DNER: variants seen among roughly 807,000 people sequenced by gnomAD.
DNER encodes delta/notch like EGF repeat containing.
DNER carries 33 observed loss-of-function variants against 78.2 expected under a neutral mutation model. That is an observed-to-expected ratio of 0.42 (90% CI 0.32 to 0.56). DNER has a LOEUF of 0.56. Ranked by LOEUF, DNER falls within the 20% of genes least tolerant of loss-of-function variation. DNER has a pLI of 0.11. For missense variants in DNER, 918 were observed against 975.3 expected, an observed-to-expected ratio of 0.94 and a Z score of 0.78; for synonymous variants, 417 against 384.8, an observed-to-expected ratio of 1.08 and a Z score of -0.98.
At chr2:229,498,312 G>T (rs1335964246) in intron 6 of DNER, among the ~76,000 whole-genome samples, 1 of 152,114 alleles carries the variant, frequency 6.6e-6, no homozygotes, top group Non-Finnish European at 1.5e-5. Flanking sequence ...CAAGCCCAAA[G>T]CTAACATCAT....
intron 11 of DNER, among the ~76,000 whole-genome samples, chr2:229,368,095 C>T (rs1692392948): frequency 6.6e-6 from 1 of 152,144 alleles, no homozygotes; most frequent in Admixed American, 6.5e-5. Context: ...GGCATGGTGG[C>T]TCATGCTTGT....
intron 5 of DNER, among the ~76,000 whole-genome samples, chr2:229,517,771 G>A (rs758909786): frequency 3.3e-5 from 5 of 152,172 alleles, no homozygotes; most frequent in African/African-American, 4.8e-5. Context: ...CTAGCCTCTG[G>A]CGGATAGAGT....
chr2:229,568,271 G>C, intron 4 of DNER, among the ~76,000 whole-genome samples: 1 of 152,076 alleles, frequency 6.6e-6, no homozygotes, highest in Non-Finnish European at 1.5e-5. Flanking sequence ...AGCTGGACTT[G>C]AACTCCTGGG....
At chr2:229,509,359 G>A (rs1056582918) in intron 6 of DNER, among the ~76,000 whole-genome samples, 7 of 152,218 alleles carry the variant, frequency 4.6e-5, no homozygotes, top group Admixed American at 3.3e-4. Flanking sequence ...TTCATCAATA[G>A]AGGAATAGCT....
At chr2:229,424,269 A>G (rs1693826575) in intron 8 of DNER, among the ~76,000 whole-genome samples, 1 of 152,182 alleles carries the variant, frequency 6.6e-6, no homozygotes, top group Non-Finnish European at 1.5e-5. Context: ...ATAAAAACCC[A>G]AGGCGATGGG....
At chr2:229,664,987 C>T (rs1050272005) in intron 1 of DNER, among the ~76,000 whole-genome samples, 1 of 152,090 alleles carries the variant, frequency 6.6e-6, no homozygotes, top group Non-Finnish European at 1.5e-5. Flanking sequence ...TCCCTTTTGT[C>T]GAATTACTCA....
At chr2:229,457,961 C>A (rs1232497389) in intron 7 of DNER, among the ~76,000 whole-genome samples, 8 of 150,822 alleles carry the variant, frequency 5.3e-5, no homozygotes, top group African/African-American at 1.7e-4. Context: ...TGTGGTGAAA[C>A]CCTGTCTCTA....
At chr2:229,534,300 T>C (rs370039402) in intron 5 of DNER, among the ~76,000 whole-genome samples, 3 of 149,308 alleles carry the variant, frequency 2.0e-5, no homozygotes, top group South Asian at 4.2e-4. Flanking sequence ...AATAGACCAA[T>C]AGATTGTAAT....
At chr2:229,528,644 A>G (rs1696249143) in intron 5 of DNER, among the ~76,000 whole-genome samples, 1 of 152,184 alleles carries the variant, frequency 6.6e-6, no homozygotes, top group Non-Finnish European at 1.5e-5. Flanking sequence ...GATTTTGTAC[A>G]AATATGGAAG....
At chr2:229,689,803 A>T (rs1699538493) in intron 1 of DNER, among the ~76,000 whole-genome samples, 1 of 152,220 alleles carries the variant, frequency 6.6e-6, no homozygotes, top group Non-Finnish European at 1.5e-5. Context: ...CATAGAGCTG[A>T]CATAATTAAG....
chr2:229,363,905 C>T (rs1244467376), intron 12 of DNER, among the ~76,000 whole-genome samples: 1 of 151,868 alleles, frequency 6.6e-6, no homozygotes, highest in East Asian at 1.9e-4. Flanking sequence ...GATTCTGCTC[C>T]CTCCTGGTAA....
At chr2:229,440,863 C>T (rs1447886617) in intron 8 of DNER, among the ~76,000 whole-genome samples, 1 of 152,232 alleles carries the variant, frequency 6.6e-6, no homozygotes, top group African/African-American at 2.4e-5. Context: ...TTTAACCCAT[C>T]CTTTCATTCC....
chr2:229,606,619 G>A (rs376801169), intron 1 of DNER, among the ~76,000 whole-genome samples: 2 of 152,242 alleles, frequency 1.3e-5, no homozygotes, highest in East Asian at 1.9e-4. Context: ...AGGGCCAGGC[G>A]CAGTGGCTCA....
intron 7 of DNER, among the ~76,000 whole-genome samples, chr2:229,455,300 A>T (rs1372478377): frequency 6.6e-6 from 1 of 152,006 alleles, no homozygotes; most frequent in Non-Finnish European, 1.5e-5. Context: ...AGGCTTAATC[A>T]TTTTTTCTCT....
intron 6 of DNER, among the ~76,000 whole-genome samples, chr2:229,489,967 G>A (rs758768451): frequency 1.3e-5 from 2 of 152,080 alleles, no homozygotes; most frequent in African/African-American, 2.4e-5. Context: ...TTGCAGTAAC[G>A]AGGAAGAGAG....
At chr2:229,685,427 T>C (rs1249355438) in intron 1 of DNER, among the ~76,000 whole-genome samples, 2 of 113,628 alleles carry the variant, frequency 1.8e-5, no homozygotes, top group Admixed American at 1.9e-4. Context: ...AGAGTCATTG[T>C]TCCTTCCATA....
chr2:229,458,721 G>A (rs1205575064), intron 7 of DNER, among the ~76,000 whole-genome samples: 1 of 151,506 alleles, frequency 6.6e-6, no homozygotes, highest in Non-Finnish European at 1.5e-5. Flanking sequence ...AGCAAAGCAA[G>A]GATGTCTACC....
intron 7 of DNER, among the ~76,000 whole-genome samples, chr2:229,464,243 C>A (rs1401983890): frequency 1.3e-5 from 2 of 152,126 alleles, no homozygotes; most frequent in Non-Finnish European, 2.9e-5. Flanking sequence ...AGGGGAATAT[C>A]TGGGAAAATC....
chr2:229,607,665 A>G (rs1264961164), intron 1 of DNER, among the ~76,000 whole-genome samples: 1 of 152,196 alleles, frequency 6.6e-6, no homozygotes, highest in African/African-American at 2.4e-5. Context: ...AATGTTTCAG[A>G]TGAGAGAGCA....
Sources: allele counts gnomAD v4.1 joint callset (sites outside exome capture counted in the v4.1 genomes callset), GRCh38; gene constraint gnomAD v4.1.1; transcripts MANE v1.5; gene names NCBI Gene and HGNC (gene_info 2026-07-23, HGNC 2026-07-21).